The following SCYL1 variants were observed in gnomAD, a reference collection of about 807,000 sequenced individuals.
SCYL1 encodes N-terminal kinase-like protein.
In SCYL1, 85 loss-of-function variants were observed where a neutral mutation model predicts 94.8. The ratio of observed to expected loss-of-function variants is 0.90; its 90% CI spans 0.75 to 1.07. The LOEUF (loss-of-function observed/expected upper bound fraction) is 1.07, where lower values mean the gene tolerates loss of function less well. Among genes scored for constraint, SCYL1 ranks in the 50% least tolerant of loss-of-function variants. SCYL1 has a pLI of 0.00. For missense variants in SCYL1, 968 were observed against 1,083.3 expected (o/e 0.89, Z 1.49); for synonymous variants, 459 against 435.5 (o/e 1.05, Z -0.67).
chr11:65,537,072 G>T lies in SCYL1; in HGVS notation c.1903G>T (p.Ala635Ser), dbSNP rs754342565. 1 of 1,614,162 alleles carries T rather than the reference G, an allele frequency of 6.2e-7. No individual in the cohort carries two copies. Among genetic ancestry groups the T allele is most frequent in the South Asian group, 1.1e-5 (1 of 91,088 alleles). Residue 635 changes from alanine (A) to serine (S), a missense_variant, in exon 14 of 18, where the codon GCA (alanine) becomes TCA (serine). Ala to Ser is a moderately conservative substitution (Grantham distance 99). Around this residue, in one of 2 missense-constraint regions of SCYL1, gnomAD observed 474 missense variants for 463.6 expected, o/e 1.02. Transcript: ENST00000270176. Reference protein sequence around the residue: ...WETQEEDKDTAEDSSTADRWD... With the variant: ...WETQEEDKDTSEDSSTADRWD... ...GACGCAGGAGGAGGACAAGGACACAGCAGAGGACAGCAGCACTGCTGACAG... is the reference window on the plus strand; with the variant it reads ...GACGCAGGAGGAGGACAAGGACACATCAGAGGACAGCAGCACTGCTGACAG...
Position 65,537,955 on chromosome 11 carries a change from G to A in SCYL1, c.2032-12G>A, listed in dbSNP as rs373952549. On this transcript the variant is annotated splice_polypyrimidine_tract_variant and intron_variant, in intron 15 of 17. Transcript: ENST00000270176. ...GGGCCCAGGGCTACTTCCCCCTCCC[G>A]CTCTTCTACAGGTCAGCAACTCCGA... The A allele has an allele frequency of 2.1e-5, 34 of 1,603,526 alleles. No homozygotes were observed. The African/African-American group carries it at 3.5e-4, about 16-fold the overall frequency.
chr11:65,525,890 G>T, intron 2 of SCYL1, 31 bp from the exon 3 acceptor site: 1 of 1,605,250 alleles, frequency 6.2e-7, no homozygotes, highest in Non-Finnish European at 8.5e-7. Flanking sequence ...CTGCCCCTCC[G>T]CCCTTGATAA....
intron 9 of SCYL1, 183 bp downstream of exon 9, chr11:65,532,988 C>G: frequency 1.7e-6 from 1 of 581,532 alleles, no homozygotes; most frequent in Non-Finnish European, 3.1e-6. Context: ...ATTCAGCAGA[C>G]AACGAGCATC....
rs1216367450 is a variant in SCYL1, at chr11:65,538,463, C to A, written c.2324C>A (p.Ala775Asp). Residue 775 changes from alanine to aspartate, a missense_variant, in exon 18 of 18, where the codon GCC becomes GAC. This residue lies in a region of SCYL1 where 474 missense variants were observed against 463.6 expected (regional missense o/e 1.02). Coordinates refer to ENST00000270176, the MANE Select transcript of SCYL1 (RefSeq NM_020680.4). ...TDSRQVKAEL[A>D]RKKREERRRE... ...CCAGGACAGGTCAAGGCTGAGCTGG[C>A]CCGGAAGAAGCGCGAGGAGCGGCGG... 3 of 1,571,092 alleles carry A rather than the reference C, an allele frequency of 1.9e-6. No individual in the cohort carries two copies. The highest frequency in any genetic ancestry group is 2.4e-5 in the East Asian group (1 of 42,312).
In SCYL1 at chr11:65,527,153, C is replaced by T. The variant is rs771823700; in HGVS notation, c.849+36C>T. On this transcript the variant is annotated intron_variant, in intron 6 of 17. Coordinates refer to ENST00000270176, the MANE Select transcript of SCYL1 (RefSeq NM_020680.4). ...AACCCACCCTGGGCTTCGACCCTAT[C>T]TTTTTCATTCTGCCCCTACCCTGCT... is the stretch of plus-strand genomic sequence containing the variant. The T allele has an allele frequency of 2.5e-6, 4 of 1,600,526 alleles. No homozygotes were observed. In the East Asian group the frequency reaches 9.0e-5, roughly 36 times the overall value.
Position 65,525,270 on chromosome 11 carries a change from T to C in SCYL1, c.111+6T>C. 1 of 1,423,804 alleles carries C rather than the reference T, an allele frequency of 7.0e-7. No homozygotes were observed. The highest frequency in any genetic ancestry group is 9.2e-7 in the Non-Finnish European group (1 of 1,085,018). The allele number at this position is 1,423,804 out of a possible 1,614,324, so 88.2% of individuals were successfully genotyped here. A position where few individuals can be genotyped will look rare whatever the true frequency, so the allele number is the denominator to read the frequency against. On this transcript the variant is annotated splice_donor_region_variant and intron_variant, in intron 1 of 17. Transcript: ENST00000270176. ...TGCACCGCGGCCGCAAGAAGGTGAG[T>C]GCGGCCGAGCTCCGTAGGCCGCGGT...
chr11:65,534,073 A>G (rs907641074), intron 9 of SCYL1, among the ~76,000 whole-genome samples: 1 of 152,018 alleles, frequency 6.6e-6, no homozygotes, highest in African/African-American at 2.4e-5. Context: ...CTAAAAGTAC[A>G]AAAACAATCT....
chr11:65,537,555 A>G (rs1310603267), intron 14 of SCYL1, among the ~76,000 whole-genome samples: 1 of 152,022 alleles, frequency 6.6e-6, no homozygotes, highest in Non-Finnish European at 1.5e-5. Context: ...CAATTTCCCC[A>G]TCTGGCTGAC....
At chr11:65,537,687 G>A (rs1855750880) in intron 14 of SCYL1, 122 bp from the exon 15 acceptor site, 1 of 806,814 alleles carries the variant, frequency 1.2e-6, no homozygotes. Context: ...AACAGGGCCT[G>A]AGGAGCAAAT....
intron 7 of SCYL1, among the ~76,000 whole-genome samples, 157 bp downstream of exon 7, chr11:65,530,944 C>T (rs1384972239): frequency 6.6e-6 from 1 of 152,158 alleles, no homozygotes; most frequent in Non-Finnish European, 1.5e-5. Context: ...CCAGCTGTCC[C>T]CTGGGGAGGA....
At chr11:65,535,799 GTTT>G (rs1370046452) in intron 10 of SCYL1, 151 bp from the exon 11 acceptor site, 4 of 766,382 alleles carry the variant, frequency 5.2e-6, no homozygotes, top group African/African-American at 3.5e-5. Flanking sequence ...CAGGTCCAGA[GTTT>G]TAGGTCAACT....
In SCYL1 at chr11:65,537,258, CCTCATGGAGTGGCCATTGTAG is replaced by C. The variant is rs1228962564; in HGVS notation, c.1959+131_1959+151del. The C allele has an allele frequency of 4.9e-6, 5 of 1,025,252 alleles. No individual in the cohort carries two copies. In the African/African-American group the frequency reaches 8.0e-5, roughly 16 times the overall value. The allele number at this position is 1,025,252 out of a possible 1,614,324, so 63.5% of individuals were successfully genotyped here. On this transcript the variant is annotated intron_variant, in intron 14 of 17. Transcript: ENST00000270176. ...CAGCACAGCATCCCTGGCACGTAGG[CCTCATGGAGTGGCCATTGTAG>C]GCCAGAGCCAGCAGCAGGCCCCATT... is the stretch of plus-strand genomic sequence containing the variant.
Position 65,526,384 on chromosome 11 carries a change from C to G in SCYL1, c.602+34C>G. ...CTGGGGGCAGCGCGCCCCAACCTGCCCTGTCCTGGAGGCCCCTGCAGCCTC... is the reference window on the plus strand; with the variant it reads ...CTGGGGGCAGCGCGCCCCAACCTGCGCTGTCCTGGAGGCCCCTGCAGCCTC... On this transcript the variant is annotated intron_variant, in intron 4 of 17. Transcript: ENST00000270176. This position sits in a 1 kb window ranked among gnomAD's most constrained non-coding sequence, Gnocchi z 4.1. The G allele has an allele frequency of 1.3e-6, 2 of 1,539,974 alleles. No homozygotes were observed. Among genetic ancestry groups the G allele is most frequent in the Non-Finnish European group, 1.8e-6 (2 of 1,132,662 alleles).
chr11:65,535,520 G>T, intron 10 of SCYL1, 138 bp downstream of exon 10: 1 of 1,135,034 alleles, frequency 8.8e-7, no homozygotes, highest in South Asian at 1.6e-5. Flanking sequence ...CCATATCTGG[G>T]TTCCCAGAGG....
chr11:65,536,700 C>G lies in SCYL1; in HGVS notation c.1766C>G (p.Pro589Arg), dbSNP rs1348528155. Residue 589 changes from proline to arginine, a missense_variant, in exon 13 of 18, where the codon CCA becomes CGA. This residue lies in a region of SCYL1 where 474 missense variants were observed against 463.6 expected (regional missense o/e 1.02). Transcript: ENST00000270176. ...ACCTCCAAGCTGATCCGTTCGCACCCAACCACTGCCCCAACAGAAACCAAC... is the reference window on the plus strand; with the variant it reads ...ACCTCCAAGCTGATCCGTTCGCACCGAACCACTGCCCCAACAGAAACCAAC... ...SLTSKLIRSH[P>R]TTAPTETNIP... 2.5e-6 allele frequency: 4 copies of G among 1,612,364 alleles called. No homozygotes were observed. Among genetic ancestry groups the G allele is most frequent in the Non-Finnish European group, 3.4e-6 (4 of 1,178,562 alleles).
chr11:65,536,119 C>CG lies in SCYL1; in HGVS notation c.1553_1554insG (p.Glu519Ter), dbSNP rs1229208267. 1 of 1,613,722 alleles carries CG rather than the reference C, an allele frequency of 6.2e-7. No individual in the cohort carries two copies. Among genetic ancestry groups the CG allele is most frequent in the African/African-American group, 1.3e-5 (1 of 74,932 alleles). On this transcript the variant is annotated frameshift_variant, in exon 11 of 18. Coordinates refer to ENST00000270176, the MANE Select transcript of SCYL1 (RefSeq NM_020680.4). LOFTEE classifies it high-confidence loss of function. ...GTGCTCTGCGGTCTCACTGTAGATC[C>CG]TGAGAAATCCGTGCGAGACCAGGTG...
rs980495854 is a variant in SCYL1 at position 65,526,662 on chromosome 11, A to C, written c.603-121A>C. 4.3e-6 allele frequency: 4 copies of C among 937,786 alleles called. No individual in the cohort carries two copies. The African/African-American group carries it at 4.9e-5, about 12-fold the overall frequency. The allele number at this position is 937,786 out of a possible 1,614,324, so 58.1% of individuals were successfully genotyped here. A position where few individuals can be genotyped will look rare whatever the true frequency, so the allele number is the denominator to read the frequency against. On this transcript the variant is annotated intron_variant, in intron 4 of 17. Coordinates refer to ENST00000270176, the MANE Select transcript of SCYL1 (RefSeq NM_020680.4). This position sits in a 1 kb window ranked among gnomAD's most constrained non-coding sequence, Gnocchi z 4.1. ...TAATGAAACCTGCCTCTTGGGACTG[A>C]TGGCTCAGCTGAGGGACATAGCCAG...
At chr11:65,528,612 T>C (rs2507830) in intron 6 of SCYL1, among the ~76,000 whole-genome samples, 1,958 of 151,522 alleles carry the variant, frequency 0.013, 34 homozygotes, top group African/African-American at 0.044. Context: ...TACAAAAAAC[T>C]AGCCAGGCAT....
intron 6 of SCYL1, 58 bp downstream of exon 6, chr11:65,527,175 T>C: frequency 1.3e-6 from 2 of 1,575,270 alleles, no homozygotes; most frequent in Non-Finnish European, 1.7e-6. Flanking sequence ...GCCCCTACCC[T>C]GCTTTTCAGG....
Sources: gnomAD v4.1 joint callset for allele counts (sites outside exome capture counted in the v4.1 genomes callset) on GRCh38, gnomAD v4.1.1 for gene constraint, gnomAD v4.1.1 regional missense constraint, Gnocchi (gnomAD v3.1) non-coding constraint, MANE v1.5 for transcripts, NCBI Gene and HGNC (gene_info 2026-07-23, HGNC 2026-07-21) for gene names.